Variants in GMDS observed in about 807,000 individuals in gnomAD.
GMDS encodes the protein GDP-mannose 4,6-dehydratase, also known as GDP-mannose 4,6 dehydratase.
Under a neutral mutation model 49.9 loss-of-function variants are expected in GMDS, and 20 were observed. The ratio of observed to expected loss-of-function variants is 0.40; its 90% CI spans 0.28 to 0.58. The LOEUF (loss-of-function observed/expected upper bound fraction) is 0.58, where lower values mean the gene tolerates loss of function less well. Among genes scored for constraint, GMDS ranks in the 20% least tolerant of loss-of-function variants. GMDS has a pLI of 0.42. For synonymous variants in GMDS, 177 were observed against 178.6 expected (o/e 0.99, Z 0.07); for missense variants, 362 against 481.4 (o/e 0.75, Z 2.32).
At chr6:2,047,830 A>T (rs372899132) in intron 4 of GMDS, among the ~76,000 whole-genome samples, 2 of 152,350 alleles carry the variant, frequency 1.3e-5, no homozygotes, top group East Asian at 3.9e-4. Flanking sequence ...TAAAGAATAA[A>T]CATATTAAAT....
intron 7 of GMDS, among the ~76,000 whole-genome samples, chr6:1,927,680 C>G (rs569897964): frequency 2.0e-5 from 3 of 152,204 alleles, no homozygotes; most frequent in South Asian, 4.1e-4. Flanking sequence ...ACTACACTCA[C>G]AGTGGAGCTA....
intron 1 of GMDS, among the ~76,000 whole-genome samples, chr6:2,130,757 A>G (rs983550616): frequency 2.0e-5 from 3 of 150,388 alleles, no homozygotes; most frequent in African/African-American, 7.3e-5. Flanking sequence ...GTTTGATAAG[A>G]AAAAAAAGAT....
At chr6:1,717,647 T>C (rs1366925183) in intron 9 of GMDS, 1 of 152,202 alleles carries the variant, frequency 6.6e-6, no homozygotes, top group East Asian at 1.9e-4. Flanking sequence ...TGAAGATCTA[T>C]AGGTATAAAA....
intron 1 of GMDS, among the ~76,000 whole-genome samples, chr6:2,200,567 C>G (rs888204053): frequency 2.0e-5 from 3 of 146,380 alleles, no homozygotes; most frequent in Non-Finnish European, 3.0e-5. Flanking sequence ...AGAGAGAGCA[C>G]CACATGGACA....
chr6:2,131,255 T>C (rs1445892889), intron 1 of GMDS, among the ~76,000 whole-genome samples: 1 of 152,198 alleles, frequency 6.6e-6, no homozygotes, highest in Non-Finnish European at 1.5e-5. Context: ...TAATTTTCTA[T>C]AATTTAGGCA....
At chr6:1,702,352 A>T (rs748512317) in intron 9 of GMDS, among the ~76,000 whole-genome samples, 123 of 152,370 alleles carry the variant, frequency 8.1e-4, no homozygotes, top group Non-Finnish European at 3.8e-4. Flanking sequence ...GGCCTAAAAC[A>T]TGAGACTGTA....
At chr6:1,877,070 T>C (rs1581290644) in intron 7 of GMDS, among the ~76,000 whole-genome samples, 1 of 152,096 alleles carries the variant, frequency 6.6e-6, no homozygotes, top group East Asian at 1.9e-4. Flanking sequence ...CAGTGTCACC[T>C]TGGAAATCTG....
rs183971036 is a variant in GMDS at position 1,710,559 on chromosome 6, G to A, written c.987+15857C>T. Among the ~76,000 whole-genome samples the A allele has an allele frequency of 8.7e-4, 133 of 152,238 alleles. 2 individuals carry two copies. Among genetic ancestry groups the A allele is most frequent in the Middle Eastern group, 6.8e-3 (2 of 294 alleles). On this transcript the variant is annotated intron_variant, in intron 9 of 10. Coordinates refer to ENST00000380815, the MANE Select transcript of GMDS (RefSeq NM_001500.4). ...TTCACCAAAAACAACCAAAACACAC[G>A]TCTGCCCTGACATGGCAGATACACT...
intron 4 of GMDS, among the ~76,000 whole-genome samples, chr6:2,082,139 A>T (rs576960681): frequency 6.6e-6 from 1 of 152,192 alleles, no homozygotes; most frequent in Non-Finnish European, 1.5e-5. Flanking sequence ...GAGATAAAAG[A>T]CACATGATAC....
chr6:2,065,174 A>T (rs571405479), intron 4 of GMDS, among the ~76,000 whole-genome samples: 42 of 152,276 alleles, frequency 2.8e-4, no homozygotes, highest in Non-Finnish European at 2.8e-4. Context: ...CTGACACCTC[A>T]CACAGCCTGG....
intron 6 of GMDS, among the ~76,000 whole-genome samples, chr6:1,938,284 C>G (rs1303521836): frequency 1.3e-5 from 2 of 152,162 alleles, no homozygotes. Flanking sequence ...ACTGAAAATT[C>G]TGTGTGAATT....
intron 7 of GMDS, among the ~76,000 whole-genome samples, chr6:1,865,953 A>G (rs777897563): frequency 2.0e-5 from 3 of 152,192 alleles, no homozygotes; most frequent in African/African-American, 7.2e-5. Flanking sequence ...ACAGAAAAAC[A>G]CTACCCCAAA....
At chr6:2,126,109 A>G (rs1775419340) in intron 1 of GMDS, among the ~76,000 whole-genome samples, 1 of 152,216 alleles carries the variant, frequency 6.6e-6, no homozygotes. Flanking sequence ...TATGAGAGAC[A>G]TATAATTAAA....
chr6:1,645,223 C>T (rs929407912), intron 9 of GMDS, among the ~76,000 whole-genome samples: 1 of 151,912 alleles, frequency 6.6e-6, no homozygotes, highest in Non-Finnish European at 1.5e-5. Flanking sequence ...CATGAGCCAC[C>T]GCGCCCAGCC....
At chr6:1,791,198 TC>T (rs1769528733) in intron 7 of GMDS, among the ~76,000 whole-genome samples, 1 of 152,206 alleles carries the variant, frequency 6.6e-6, no homozygotes, top group African/African-American at 2.4e-5. Flanking sequence ...CATTTGGACT[TC>T]TGATTCCAGA....
intron 7 of GMDS, among the ~76,000 whole-genome samples, chr6:1,789,532 CTTT>C (rs59996305): frequency 0.011 from 1,497 of 141,252 alleles, 22 homozygotes; most frequent in African/African-American, 0.036. Context: ...TTTCTTTTTT[CTTT>C]TTTTTTTTTT....
chr6:2,070,349 C>T (rs1771912832), intron 4 of GMDS, among the ~76,000 whole-genome samples: 1 of 151,176 alleles, frequency 6.6e-6, no homozygotes, highest in African/African-American at 2.4e-5. Flanking sequence ...AGTGCACCAG[C>T]ATGGCACATG....
chr6:2,108,148 T>A (rs1774346085), intron 4 of GMDS, among the ~76,000 whole-genome samples: 1 of 152,240 alleles, frequency 6.6e-6, no homozygotes, highest in Non-Finnish European at 1.5e-5. Flanking sequence ...GTATTTTCAG[T>A]GCTAAAGCAG....
intron 9 of GMDS, among the ~76,000 whole-genome samples, chr6:1,716,959 T>C (rs1440890019): frequency 1.3e-5 from 2 of 152,244 alleles, no homozygotes; most frequent in East Asian, 1.9e-4. Flanking sequence ...CAATTTTAAA[T>C]AGATGATGCA....
Sources: gnomAD v4.1 joint callset for allele counts (sites outside exome capture counted in the v4.1 genomes callset) on GRCh38, gnomAD v4.1.1 for gene constraint, MANE v1.5 for transcripts, NCBI Gene and HGNC (gene_info 2026-07-23, HGNC 2026-07-21) for gene names.